The following RTN4 variants were observed in gnomAD, a reference collection of about 807,000 sequenced individuals.
RTN4 encodes the protein reticulon 4, also known as reticulon-4.
Under a neutral mutation model 90.4 loss-of-function variants are expected in RTN4, and 32 were observed. The ratio of observed to expected loss-of-function variants is 0.35; its 90% confidence interval spans 0.27 to 0.48. The LOEUF is 0.48. Ranked by LOEUF, RTN4 falls within the 20% of genes least tolerant of loss-of-function variation. The pLI, the probability that RTN4 is intolerant of heterozygous loss-of-function variation, is 0.99. For missense variants in RTN4, 1,706 were observed against 1,430.2 expected, an observed-to-expected ratio of 1.19 and a Z score of -3.11; for synonymous variants, 629 against 552.5, an observed-to-expected ratio of 1.14 and a Z score of -1.94.
chr2:54,978,950 C>G (rs1677891701), intron 5 of RTN4, among the ~76,000 whole-genome samples: 1 of 151,846 alleles, frequency 6.6e-6, no homozygotes, highest in Admixed American at 6.6e-5. Context: ...TTTTTGCTTG[C>G]TTTAGGGTGA....
intron 3 of RTN4, among the ~76,000 whole-genome samples, chr2:55,020,056 A>G (rs1681313423): frequency 6.6e-6 from 1 of 152,196 alleles, no homozygotes; most frequent in African/African-American, 2.4e-5. Context: ...AGAGGATACA[A>G]ACAAATGCAA....
chr2:55,119,385 G>GA, the RTN4 span, among the ~76,000 whole-genome samples: 19 of 152,290 alleles, frequency 1.2e-4, 1 homozygote, highest in Admixed American at 1.1e-3. Context: ...AAGTGGCAGG[G>GA]AAGCTGCAGT....
upstream of RTN4, among the ~76,000 whole-genome samples, chr2:55,116,665 A>T (rs988676715): frequency 5.9e-5 from 9 of 152,164 alleles, no homozygotes; most frequent in African/African-American, 1.9e-4. Context: ...TAAGATGAGG[A>T]TGAACTTATA....
intron 3 of RTN4, among the ~76,000 whole-genome samples, chr2:55,006,167 C>G (rs1038125950): frequency 3.3e-5 from 5 of 152,150 alleles, no homozygotes; most frequent in African/African-American, 1.2e-4. Context: ...CAAAACTATT[C>G]TCTATGCGAT....
At chr2:55,120,383 A>T in the RTN4 span, among the ~76,000 whole-genome samples, 2 of 152,100 alleles carry the variant, frequency 1.3e-5, no homozygotes, top group Non-Finnish European at 2.9e-5. Context: ...GGCTCAGGGA[A>T]ACTAGAGCCC....
intron 1 of RTN4, among the ~76,000 whole-genome samples, chr2:55,104,598 G>C (rs1189555549): frequency 6.6e-6 from 1 of 151,214 alleles, no homozygotes; most frequent in Non-Finnish European, 1.5e-5. Flanking sequence ...TGATCCACCT[G>C]CCTCAGCCTC....
At chr2:55,049,601 C>T in intron 1 of RTN4, 144 bp downstream of exon 1, 1 of 1,377,260 alleles carries the variant, frequency 7.3e-7, no homozygotes, top group South Asian at 1.3e-5. Flanking sequence ...GCGCTTCCAA[C>T]CAGACGGGGC....
chr2:55,063,989 G>C (rs1017880007), intron 2 of RTN4, among the ~76,000 whole-genome samples: 9 of 152,204 alleles, frequency 5.9e-5, no homozygotes, highest in Admixed American at 1.3e-4. Context: ...GGGCGACCAA[G>C]GTGGGAAGAT....
At chr2:55,036,075 G>A (rs1313328276) in intron 1 of RTN4, among the ~76,000 whole-genome samples, 2 of 151,830 alleles carry the variant, frequency 1.3e-5, no homozygotes, top group Admixed American at 6.6e-5. Context: ...AGCATATAAA[G>A]GAAAAGCAAA....
chr2:54,972,915 A>AAAAG lies in RTN4; in HGVS notation c.*237_*240dup, dbSNP rs1413429875. The AAAAG allele has an allele frequency of 2.1e-5, 8 of 372,602 alleles. No homozygotes were observed. Among genetic ancestry groups the AAAAG allele is most frequent in the African/African-American group, 1.0e-4 (5 of 47,742 alleles). 23.1% of individuals were successfully genotyped at this position (372,602 alleles called of 1,614,324 possible). A position where few individuals can be genotyped will look rare whatever the true frequency, so the allele number is the denominator to read the frequency against. ...CCACCAGTGCCTCAGATAGATAGGA[A>AAAAG]AAAGATATGATTACGGTTTAAATCC... On this transcript the variant is annotated 3_prime_UTR_variant, in exon 9 of 9. Transcript: ENST00000337526.
chr2:55,057,295 A>G (rs942479296), intron 2 of RTN4, among the ~76,000 whole-genome samples: 1 of 152,212 alleles, frequency 6.6e-6, no homozygotes, highest in African/African-American at 2.4e-5. Context: ...GAGCTGAGAA[A>G]TGACCTCACT....
intron 2 of RTN4, among the ~76,000 whole-genome samples, chr2:55,068,492 T>C (rs1039694273): frequency 7.9e-5 from 12 of 152,228 alleles, no homozygotes; most frequent in Admixed American, 7.2e-4. Flanking sequence ...TCTTCCAAAA[T>C]TCAAAATTTT....
chr2:55,135,047 C>T, the RTN4 span, among the ~76,000 whole-genome samples: 2 of 152,188 alleles, frequency 1.3e-5, 1 homozygote, highest in African/African-American at 4.8e-5. Context: ...GGAAGGATCA[C>T]TTGAGGCCTA....
chr2:55,049,102 T>C, intron 1 of RTN4: 1 of 985,764 alleles, frequency 1.0e-6, no homozygotes, highest in Non-Finnish European at 1.2e-6. Flanking sequence ...TTCCCATTTC[T>C]CCACGCACCA....
intron 1 of RTN4, 60 bp downstream of exon 1, chr2:55,049,685 T>A: frequency 6.8e-7 from 1 of 1,468,900 alleles, no homozygotes; most frequent in Non-Finnish European, 9.1e-7. Flanking sequence ...CATCTGGGGC[T>A]GCACACAAAA....
chr2:55,082,272 A>G (rs1030952296), intron 1 of RTN4, among the ~76,000 whole-genome samples: 1 of 152,234 alleles, frequency 6.6e-6, no homozygotes, highest in Admixed American at 6.5e-5. Flanking sequence ...AAGCTCTTCC[A>G]TAGAAACGAT....
chr2:55,038,949 C>T (rs1174248343), intron 1 of RTN4, among the ~76,000 whole-genome samples: 1 of 152,224 alleles, frequency 6.6e-6, no homozygotes, highest in Admixed American at 6.5e-5. Context: ...CCTGCAGCAT[C>T]ATTAGTAAGT....
At chr2:55,064,349 CTT>C (rs70947003) in intron 2 of RTN4, among the ~76,000 whole-genome samples, 9 of 133,346 alleles carry the variant, frequency 6.7e-5, no homozygotes, top group Non-Finnish European at 6.3e-5. Context: ...CACAAACATT[CTT>C]TTTTTTTTTT....
intron 1 of RTN4, among the ~76,000 whole-genome samples, chr2:55,089,150 T>A (rs1381916355): frequency 6.6e-6 from 1 of 152,108 alleles, no homozygotes; most frequent in African/African-American, 2.4e-5. Context: ...CTTGAACTCC[T>A]GACCTAAGGA....
Sources: allele counts gnomAD v4.1 joint callset (sites outside exome capture counted in the v4.1 genomes callset), GRCh38; gene constraint gnomAD v4.1.1; transcripts MANE v1.5; gene names NCBI Gene and HGNC (gene_info 2026-07-23, HGNC 2026-07-21).